Variants in TAOK1 observed in about 807,000 individuals in gnomAD.
TAOK1 encodes TAO kinase 1.
In TAOK1, 21 loss-of-function variants were observed where a neutral mutation model predicts 138.3. The observed-to-expected ratio is 0.15, with a 90% CI of 0.11 to 0.22. The LOEUF (loss-of-function observed/expected upper bound fraction) is 0.22, where lower values mean the gene tolerates loss of function less well. Ranked by LOEUF, TAOK1 falls within the 10% of genes least tolerant of loss-of-function variation. The probability of loss-of-function intolerance (pLI) is 1.00; values close to 1 mark genes in which losing one functional copy is unlikely to be tolerated. For synonymous variants in TAOK1, 361 were observed against 398.4 expected (o/e 0.91, Z 1.12); for missense variants, 651 against 1,227.7 (o/e 0.53, Z 7.02).
intron 15 of TAOK1, among the ~76,000 whole-genome samples, chr17:29,515,923 T>C (rs1369853672): frequency 6.6e-6 from 1 of 152,040 alleles, no homozygotes; most frequent in Non-Finnish European, 1.5e-5. Flanking sequence ...TTAAGAACTT[T>C]TATTTGTTTA....
Position 29,525,734 on chromosome 17 carries a change from A to G in TAOK1, c.2148+3215A>G, listed in dbSNP as rs536338954. Among the ~76,000 whole-genome samples, 419 of 152,336 alleles carry G rather than the reference A, an allele frequency of 2.8e-3. 2 individuals carry two copies. Among genetic ancestry groups the G allele is most frequent in the African/African-American group, 9.3e-3 (388 of 41,592 alleles). ...AAAAATAAAAACTTTTCGCTGGGGC[A>G]GTCACTCACACCTGTAATCCCAGCA... On this transcript the variant is annotated intron_variant, in intron 17 of 19. Coordinates refer to ENST00000261716, the MANE Select transcript of TAOK1 (RefSeq NM_020791.4).
At chr17:29,493,157 G>GA (rs1030986824) in intron 10 of TAOK1, among the ~76,000 whole-genome samples, 4 of 151,232 alleles carry the variant, frequency 2.6e-5, no homozygotes, top group African/African-American at 4.9e-5. Flanking sequence ...AAGAAAGAAA[G>GA]AAGAAGACAA....
At chr17:29,503,637 C>T (rs1006809262) in intron 13 of TAOK1, among the ~76,000 whole-genome samples, 9 of 151,938 alleles carry the variant, frequency 5.9e-5, no homozygotes, top group South Asian at 4.1e-4. Context: ...AAGGATACAA[C>T]GAAATTACAT....
intron 19 of TAOK1, among the ~76,000 whole-genome samples, chr17:29,536,160 G>A (rs2032217400): frequency 6.6e-6 from 1 of 152,046 alleles, no homozygotes; most frequent in Non-Finnish European, 1.5e-5. Flanking sequence ...TTAACCAGGC[G>A]TGGTGGCAGG....
intron 1 of TAOK1, among the ~76,000 whole-genome samples, chr17:29,446,948 C>T (rs545573531): frequency 2.0e-5 from 3 of 151,648 alleles, no homozygotes; most frequent in African/African-American, 7.3e-5. Flanking sequence ...CCATGTTGGC[C>T]AGGCTAGTCT....
intron 1 of TAOK1, among the ~76,000 whole-genome samples, chr17:29,445,832 A>G (rs1233572633): frequency 1.3e-5 from 2 of 152,202 alleles, no homozygotes; most frequent in African/African-American, 4.8e-5. Context: ...CATAAAATGA[A>G]TTGGGAAATG....
intron 16 of TAOK1, among the ~76,000 whole-genome samples, chr17:29,521,287 T>C (rs191120437): frequency 5.4e-4 from 83 of 152,328 alleles, no homozygotes; most frequent in Non-Finnish European, 8.5e-4. Context: ...ATGTGTTTAC[T>C]TGTTTCCAAT....
At chr17:29,534,004 A>G (rs1347253091) in intron 18 of TAOK1, 114 bp from the exon 19 acceptor site, 1 of 1,186,826 alleles carries the variant, frequency 8.4e-7, no homozygotes, top group Non-Finnish European at 1.1e-6. Context: ...AAAATTGTCT[A>G]AACTAAAAAA....
chr17:29,512,917 CA>C (rs2031748815), intron 15 of TAOK1: 1 of 151,406 alleles, frequency 6.6e-6, no homozygotes, highest in African/African-American at 2.4e-5. Context: ...CTCCTGACCT[CA>C]TGATCTGCTC....
At chr17:29,539,974 T>C (rs1349774276) in intron 19 of TAOK1, among the ~76,000 whole-genome samples, 1 of 152,148 alleles carries the variant, frequency 6.6e-6, no homozygotes, top group South Asian at 2.1e-4. Flanking sequence ...TGATGTACTC[T>C]ATAGCGGAGG....
intron 8 of TAOK1, among the ~76,000 whole-genome samples, chr17:29,485,074 A>G (rs1426130908): frequency 6.6e-6 from 1 of 152,230 alleles, no homozygotes; most frequent in Non-Finnish European, 1.5e-5. Context: ...GTGAATAGAT[A>G]TGACTCTTGC....
rs922763172 is a variant in TAOK1 at position 29,545,045 on chromosome 17, G to A, written c.*2023G>A. 4.4e-4 allele frequency: 67 copies of A among 152,294 alleles called. No homozygotes were observed. Among genetic ancestry groups the A allele is most frequent in the African/African-American group, 1.6e-3 (66 of 41,566 alleles). The allele number at this position is 152,294 out of a possible 1,614,324, so 9.4% of individuals were successfully genotyped here. A position where few individuals can be genotyped will look rare whatever the true frequency, so the allele number is the denominator to read the frequency against. Reference sequence around the variant, plus strand: ...AGAAAATTAATGTTTTAATGTAAATGTTTTTAAAACCAAGATCACCATAGA... The same window carrying A: ...AGAAAATTAATGTTTTAATGTAAATATTTTTAAAACCAAGATCACCATAGA... On this transcript the variant is annotated 3_prime_UTR_variant, in exon 20 of 20. Transcript: ENST00000261716.
At chr17:29,475,534 T>A (rs1394727739) in intron 3 of TAOK1, 136 bp from the exon 4 acceptor site, 1 of 611,596 alleles carries the variant, frequency 1.6e-6, no homozygotes, top group Non-Finnish European at 2.8e-6. Flanking sequence ...AGCAAGACCC[T>A]CCCAATAAAT....
chr17:29,527,703 G>C (rs988070712), intron 17 of TAOK1, among the ~76,000 whole-genome samples: 1 of 152,130 alleles, frequency 6.6e-6, no homozygotes, highest in Non-Finnish European at 1.5e-5. Flanking sequence ...GCCAATACCT[G>C]GCAGTATTTA....
intron 1 of TAOK1, among the ~76,000 whole-genome samples, chr17:29,436,824 G>T (rs909601047): frequency 2.0e-5 from 3 of 152,136 alleles, no homozygotes; most frequent in African/African-American, 7.2e-5. Flanking sequence ...ACCTAAACGT[G>T]TCACATAATC....
At chr17:29,418,671 A>G (rs952278650) in intron 1 of TAOK1, among the ~76,000 whole-genome samples, 1 of 152,164 alleles carries the variant, frequency 6.6e-6, no homozygotes, top group African/African-American at 2.4e-5. Flanking sequence ...TAGATTACTT[A>G]TAATACTAAA....
intron 1 of TAOK1, among the ~76,000 whole-genome samples, chr17:29,391,315 C>G (rs921474502): frequency 4.6e-5 from 7 of 152,010 alleles, no homozygotes; most frequent in African/African-American, 1.5e-4. Context: ...TGATGTGCAC[C>G]CCGGTTTAAA....
rs2032387866 is a variant in TAOK1 at position 29,545,457 on chromosome 17, T to TA, written c.*2435_*2436insA. ...ATATTATTGGTGGTACATTTTAAAG[T>TA]CCAATTGTGGACTTAAATTAGTCAA... On this transcript the variant is annotated 3_prime_UTR_variant, in exon 20 of 20. Coordinates refer to ENST00000261716, the MANE Select transcript of TAOK1 (RefSeq NM_020791.4). 1 of 152,206 alleles carries TA rather than the reference T, an allele frequency of 6.6e-6. No individual in the cohort carries two copies. Among genetic ancestry groups the TA allele is most frequent in the Non-Finnish European group, 1.5e-5 (1 of 68,026 alleles). The allele number at this position is 152,206 out of a possible 1,614,324, so 9.4% of individuals were successfully genotyped here. A position where few individuals can be genotyped will look rare whatever the true frequency, so the allele number is the denominator to read the frequency against.
In TAOK1 at chr17:29,510,846, T is replaced by G. The variant is rs1157955230; in HGVS notation, c.1576-18T>G. On this transcript the variant is annotated intron_variant, in intron 14 of 19. Coordinates refer to ENST00000261716, the MANE Select transcript of TAOK1 (RefSeq NM_020791.4). ...ATCTACTTAACTAAATTTGATTCAT[T>G]TTTTAAACTTCATATAGGCTAAAGT... 1 of 1,550,258 alleles carries G rather than the reference T, an allele frequency of 6.5e-7. No homozygotes were observed. Among genetic ancestry groups the G allele is most frequent in the South Asian group, 1.3e-5 (1 of 79,722 alleles).
Sources: gnomAD v4.1 joint callset for allele counts (sites outside exome capture counted in the v4.1 genomes callset) on GRCh38, gnomAD v4.1.1 for gene constraint, MANE v1.5 for transcripts, NCBI Gene and HGNC (gene_info 2026-07-23, HGNC 2026-07-21) for gene names.